Variants in TFAP2D observed in about 807,000 individuals in gnomAD.
TFAP2D encodes transcription factor AP-2 delta, also known as transcription factor AP-2-delta.
TFAP2D carries 9 observed loss-of-function variants against 43.6 expected under a neutral mutation model. The ratio of observed to expected loss-of-function variants is 0.21; its 90% CI spans 0.12 to 0.36. The LOEUF is 0.36. Ranked by LOEUF, TFAP2D falls within the 10% of genes least tolerant of loss-of-function variation. The pLI is 1.00. For missense variants in TFAP2D, 513 were observed against 561.4 expected (o/e 0.91, Z 0.87); for synonymous variants, 256 against 224.9 (o/e 1.14, Z -1.24).
At chr6:50,724,155 A>C (rs1768771944) in intron 3 of TFAP2D, among the ~76,000 whole-genome samples, 8 of 152,074 alleles carry the variant, frequency 5.3e-5, no homozygotes, top group Admixed American at 4.6e-4. Flanking sequence ...GAAGGGTGAG[A>C]GGCTAGAGAG....
intron 7 of TFAP2D, among the ~76,000 whole-genome samples, chr6:50,770,287 G>T (rs769414490): frequency 6.6e-6 from 1 of 152,212 alleles, no homozygotes; most frequent in Non-Finnish European, 1.5e-5. Context: ...GTTTGGCAAT[G>T]CAAGACCTTG....
chr6:50,766,999 A>G (rs746645243), intron 7 of TFAP2D, among the ~76,000 whole-genome samples: 3 of 152,056 alleles, frequency 2.0e-5, no homozygotes, highest in Non-Finnish European at 2.9e-5. Context: ...AATTTTTCAC[A>G]TAGTTCACTG....
chr6:50,741,711 G>T (rs1370113284), intron 5 of TFAP2D, among the ~76,000 whole-genome samples: 1 of 151,106 alleles, frequency 6.6e-6, no homozygotes, highest in Non-Finnish European at 1.5e-5. Context: ...AAAAAAAAAG[G>T]TGCATGGCCA....
At position 50,729,333 on chromosome 6, in the gene TFAP2D, A is replaced by C. The variant is rs755811577; in HGVS notation, c.883+21A>C. Reference sequence around the variant, plus strand: ...TGAAGGTATGACTTTTCAGTTTAGCAAAATAATGCTGGAAGGTTGGCGTGT... The same window carrying C: ...TGAAGGTATGACTTTTCAGTTTAGCCAAATAATGCTGGAAGGTTGGCGTGT... On this transcript the variant is annotated intron_variant, in intron 5 of 7. Coordinates refer to ENST00000008391, the MANE Select transcript of TFAP2D (RefSeq NM_172238.4). 18 of 1,597,230 alleles carry C rather than the reference A, an allele frequency of 1.1e-5. No homozygotes were observed. The East Asian group carries it at 3.8e-4, about 34-fold the overall frequency.
chr6:50,762,216 A>G (rs1162904706), intron 7 of TFAP2D, among the ~76,000 whole-genome samples: 1 of 152,084 alleles, frequency 6.6e-6, no homozygotes, highest in African/African-American at 2.4e-5. Flanking sequence ...ACCCACTGTT[A>G]AGAGAATACA....
In TFAP2D at chr6:50,713,745, T is replaced by C. The variant is rs1768566792; in HGVS notation, c.-311T>C. On this transcript the variant is annotated 5_prime_UTR_variant, in exon 1 of 8. The change abolishes an upstream ATG in the 5' untranslated region. Transcript: ENST00000008391. ...TTGTCCTCCCAGTTCTCAGTGCTGA[T>C]GCTTAATTTTCAAAACTTCTATATT... The C allele has an allele frequency of 8.7e-6, 4 of 457,282 alleles. No individual in the cohort carries two copies. The highest frequency in any genetic ancestry group is 1.5e-5 in the Non-Finnish European group (4 of 260,304). The allele number at this position is 457,282 out of a possible 1,614,324, so 28.3% of individuals were successfully genotyped here.
intron 5 of TFAP2D, among the ~76,000 whole-genome samples, chr6:50,732,711 CA>C (rs918853732): frequency 1.6e-4 from 24 of 151,946 alleles, no homozygotes; most frequent in African/African-American, 5.8e-4. Context: ...TGTGAAGAGC[CA>C]ATCAATGAAC....
Position 50,715,414 on chromosome 6 carries a change from T to G in TFAP2D, c.338T>G (p.Phe113Cys). Reference protein sequence around the residue: ...QQIHHGEPTDFINLHNARALK... With the variant: ...QQIHHGEPTDCINLHNARALK... ...ATCCACCACGGGGAGCCCACCGACT[T>G]TATTAACCTGCACAATGCGCGGGCG... The change falls in exon 2 of 8, where the codon TTT becomes TGT. Residue 113 changes from phenylalanine (F) to cysteine (C), a missense_variant. Transcript: ENST00000008391. 2 of 1,614,002 alleles carry G rather than the reference T, an allele frequency of 1.2e-6. No individual in the cohort carries two copies. The highest frequency in any genetic ancestry group is 8.5e-7 in the Non-Finnish European group (1 of 1,179,996).
intron 7 of TFAP2D, among the ~76,000 whole-genome samples, chr6:50,762,676 T>C (rs1769379015): frequency 1.3e-5 from 2 of 152,086 alleles, no homozygotes; most frequent in African/African-American, 4.8e-5. Flanking sequence ...ATTAGGAAGA[T>C]GACTGTTAAA....
At chr6:50,755,344 T>C (rs1769249086) in intron 7 of TFAP2D, among the ~76,000 whole-genome samples, 1 of 151,990 alleles carries the variant, frequency 6.6e-6, no homozygotes, top group African/African-American at 2.4e-5. Flanking sequence ...AAAAGTCAGC[T>C]TGTTGCTTAG....
chr6:50,741,346 T>G (rs967624675), intron 5 of TFAP2D, among the ~76,000 whole-genome samples: 1 of 152,072 alleles, frequency 6.6e-6, no homozygotes, highest in Admixed American at 6.6e-5. Flanking sequence ...ATAGATAAAT[T>G]TGTGTTGTGG....
chr6:50,739,909 A>C (rs1769013667), intron 5 of TFAP2D, among the ~76,000 whole-genome samples: 1 of 152,218 alleles, frequency 6.6e-6, no homozygotes, highest in African/African-American at 2.4e-5. Context: ...ACATCAAACT[A>C]GTAAAACTAC....
rs35537220 is a variant in TFAP2D, at chr6:50,713,947, ATT to A, written c.-100_-99del. ...CAATTTAGATATCTACCTATAGAAC[ATT>A]TTTTTTTTCCTTTAAAAATTGGAAA... On this transcript the variant is annotated 5_prime_UTR_variant, in exon 1 of 8. Transcript: ENST00000008391. The A allele has an allele frequency of 3.8e-5, 55 of 1,440,794 alleles. No homozygotes were observed. The highest frequency in any genetic ancestry group is 4.5e-5 in the Non-Finnish European group (47 of 1,038,800). The allele number at this position is 1,440,794 out of a possible 1,614,324, so 89.3% of individuals were successfully genotyped here.
At chr6:50,754,972 T>C (rs147870629) in intron 7 of TFAP2D, among the ~76,000 whole-genome samples, 1 of 152,060 alleles carries the variant, frequency 6.6e-6, no homozygotes, top group African/African-American at 2.4e-5. Context: ...TGTCGTTTAA[T>C]TTGTTTATTT....
chr6:50,769,408 C>G (rs1179244809), intron 7 of TFAP2D, among the ~76,000 whole-genome samples: 1 of 152,134 alleles, frequency 6.6e-6, no homozygotes, highest in African/African-American at 2.4e-5. Flanking sequence ...ACACTTGGTT[C>G]TCAATCCAAG....
chr6:50,741,085 A>C (rs1406021879), intron 5 of TFAP2D, among the ~76,000 whole-genome samples: 21 of 151,852 alleles, frequency 1.4e-4, no homozygotes, highest in Admixed American at 1.4e-3. Flanking sequence ...TATAAGTATT[A>C]AATATCTGTA....
At chr6:50,765,935 A>T (rs2223471) in intron 7 of TFAP2D, among the ~76,000 whole-genome samples, 72,888 of 152,004 alleles carry the variant, frequency 0.48, 18,042 homozygotes, top group African/African-American at 0.6. Flanking sequence ...CAAAAAATAA[A>T]GCCAAGACCA....
At chr6:50,756,100 C>A (rs1358552077) in intron 7 of TFAP2D, among the ~76,000 whole-genome samples, 1 of 151,944 alleles carries the variant, frequency 6.6e-6, no homozygotes. Flanking sequence ...TAGGCTCAAG[C>A]AGTCTGCCCA....
intron 5 of TFAP2D, among the ~76,000 whole-genome samples, chr6:50,739,159 T>C (rs934524529): frequency 2.0e-5 from 3 of 152,186 alleles, no homozygotes; most frequent in Non-Finnish European, 4.4e-5. Context: ...GCCATGTTGG[T>C]GTGCTGCACC....
Sources: allele counts gnomAD v4.1 joint callset (sites outside exome capture counted in the v4.1 genomes callset), GRCh38; gene constraint gnomAD v4.1.1; transcripts MANE v1.5; gene names NCBI Gene and HGNC (gene_info 2026-07-23, HGNC 2026-07-21).